Variants in POPDC1 observed in about 807,000 individuals in gnomAD.
The protein encoded by POPDC1 is popeye domain-containing protein 1.
chr6:105,113,957 A>AC, the POPDC1 span, among the ~76,000 whole-genome samples: 2 of 151,712 alleles, frequency 1.3e-5, no homozygotes, highest in African/African-American at 4.9e-5. Flanking sequence ...CACACACACA[A>AC]AAAAAACAAA....
chr6:105,113,023 C>T, the POPDC1 span, among the ~76,000 whole-genome samples: 1 of 151,934 alleles, frequency 6.6e-6, no homozygotes, highest in Non-Finnish European at 1.5e-5. Flanking sequence ...CTTGACTTCC[C>T]CGGCTCAAGC....
At chr6:105,123,942 C>T in the POPDC1 span, among the ~76,000 whole-genome samples, 2 of 151,962 alleles carry the variant, frequency 1.3e-5, no homozygotes, top group Non-Finnish European at 2.9e-5. Flanking sequence ...TTTTCCTTTT[C>T]GCTAATAAAG....
At chr6:105,109,225 G>A in the POPDC1 span, among the ~76,000 whole-genome samples, 15 of 151,958 alleles carry the variant, frequency 9.9e-5, no homozygotes, top group African/African-American at 2.7e-4. Context: ...CCCAAAGTGC[G>A]GGGACTATAG....
chr6:105,124,638 C>T, the POPDC1 span: 6 of 1,604,760 alleles, frequency 3.7e-6, no homozygotes, highest in Admixed American at 1.7e-5. Flanking sequence ...AAAATGTCCT[C>T]GATAGGAGAC....
At chr6:105,133,315 C>A in the POPDC1 span, 1 of 1,521,672 alleles carries the variant, frequency 6.6e-7, no homozygotes, top group Non-Finnish European at 9.0e-7. Context: ...ATGTCAGTTA[C>A]AGAAAAGTTA....
At chr6:105,115,699 G>T in the POPDC1 span, 1 of 1,614,136 alleles carries the variant, frequency 6.2e-7, no homozygotes, top group Non-Finnish European at 8.5e-7. Flanking sequence ...GAGAGGACAT[G>T]CTGGAGGTAC....
chr6:105,110,313 G>C, the POPDC1 span, among the ~76,000 whole-genome samples: 2 of 152,204 alleles, frequency 1.3e-5, no homozygotes, highest in Non-Finnish European at 2.9e-5. Context: ...TCTATAAAAT[G>C]AGGGTATTGC....
At chr6:105,118,123 G>A in the POPDC1 span, among the ~76,000 whole-genome samples, 1 of 152,180 alleles carries the variant, frequency 6.6e-6, no homozygotes, top group Non-Finnish European at 1.5e-5. Context: ...AAAAACCAAT[G>A]TCCATTAAAC....
At chr6:105,129,287 T>C in the POPDC1 span, 1 of 1,118,780 alleles carries the variant, frequency 8.9e-7, no homozygotes, top group Non-Finnish European at 1.2e-6. Context: ...AGTGACTAAA[T>C]ATGCTAGATA....
At chr6:105,104,178 T>C in the POPDC1 span, among the ~76,000 whole-genome samples, 2 of 151,984 alleles carry the variant, frequency 1.3e-5, no homozygotes, top group Non-Finnish European at 2.9e-5. Flanking sequence ...TCCACTCCCA[T>C]CTCTAACCAC....
the POPDC1 span, among the ~76,000 whole-genome samples, chr6:105,121,667 A>G: frequency 6.6e-6 from 1 of 152,200 alleles, no homozygotes; most frequent in South Asian, 2.1e-4. Flanking sequence ...GTACCTAGGG[A>G]TAACAAACTG....
chr6:105,114,798 T>C, the POPDC1 span, among the ~76,000 whole-genome samples: 1 of 152,362 alleles, frequency 6.6e-6, no homozygotes, highest in East Asian at 1.9e-4. Flanking sequence ...AATGTGCCTC[T>C]TGGCAGGCGT....
At chr6:105,131,218 C>T in the POPDC1 span, among the ~76,000 whole-genome samples, 2 of 152,022 alleles carry the variant, frequency 1.3e-5, no homozygotes, top group African/African-American at 4.8e-5. Flanking sequence ...TTTGATGCAC[C>T]TGAATAAAGC....
chr6:105,125,532 TCAAA>T, the POPDC1 span: 1 of 1,614,090 alleles, frequency 6.2e-7, no homozygotes, highest in East Asian at 2.2e-5. Flanking sequence ...ACGGAGTGGT[TCAAA>T]CAATCGCCGG....
At chr6:105,118,706 C>T in the POPDC1 span, among the ~76,000 whole-genome samples, 1 of 152,146 alleles carries the variant, frequency 6.6e-6, no homozygotes, top group Non-Finnish European at 1.5e-5. Flanking sequence ...GCACATAATG[C>T]CACTCACTTT....
At chr6:105,132,832 T>C in the POPDC1 span, among the ~76,000 whole-genome samples, 2 of 152,260 alleles carry the variant, frequency 1.3e-5, no homozygotes, top group African/African-American at 4.8e-5. Context: ...GTTTCTTTAC[T>C]GCCCACAGCA....
At chr6:105,132,255 T>C in the POPDC1 span, among the ~76,000 whole-genome samples, 1 of 152,202 alleles carries the variant, frequency 6.6e-6, no homozygotes, top group Admixed American at 6.5e-5. Context: ...CGTAAGCCAC[T>C]GTGTCCAGCC....
At chr6:105,102,869 T>A in the POPDC1 span, among the ~76,000 whole-genome samples, 4 of 152,232 alleles carry the variant, frequency 2.6e-5, no homozygotes, top group Admixed American at 1.3e-4. Context: ...TAATGTATAC[T>A]CGCTGTATAT....
chr6:105,115,632 G>C, the POPDC1 span: 40 of 1,589,476 alleles, frequency 2.5e-5, no homozygotes, highest in Non-Finnish European at 3.4e-5. Flanking sequence ...ATTTGTCTAT[G>C]TCCAGAGATA....
Sources: gnomAD v4.1 joint callset for allele counts (sites outside exome capture counted in the v4.1 genomes callset) on GRCh38, gnomAD v4.1.1 for gene constraint, MANE v1.5 for transcripts, NCBI Gene and HGNC (gene_info 2026-07-23, HGNC 2026-07-21) for gene names.